The following PTPRN2 variants were observed in gnomAD, a reference collection of about 807,000 sequenced individuals.
The protein encoded by PTPRN2 is receptor-type tyrosine-protein phosphatase N2.
PTPRN2 carries 74 observed loss-of-function variants against 118.8 expected under a neutral mutation model. The ratio of observed to expected loss-of-function variants is 0.62; its 90% CI spans 0.52 to 0.76. The LOEUF (loss-of-function observed/expected upper bound fraction) is 0.76, where lower values mean the gene tolerates loss of function less well. Among genes scored for constraint, PTPRN2 ranks in the 30% least tolerant of loss-of-function variants. The pLI is 0.00. For missense variants in PTPRN2, 1,481 were observed against 1,394.4 expected (o/e 1.06, Z -0.99); for synonymous variants, 641 against 608.0 (o/e 1.05, Z -0.80).
In PTPRN2 at chr7:157,630,164, G is replaced by A. The variant is rs571070814; in HGVS notation, c.2197-8655C>T. On this transcript the variant is annotated intron_variant, in intron 14 of 22. Transcript: ENST00000389418. ...CAGCACACACAGCTATGGGGGCTTCGGGAGCAGCAAACCCTTGATGAGAAG... is the reference window on the plus strand; with the variant it reads ...CAGCACACACAGCTATGGGGGCTTCAGGAGCAGCAAACCCTTGATGAGAAG... 3.3e-5 allele frequency among the ~76,000 whole-genome samples: 5 copies of A among 152,262 alleles called. No homozygotes were observed. In the South Asian group the frequency reaches 1.0e-3, roughly 32 times the overall value.
At chr7:157,563,279 C>T (rs56842035) in intron 21 of PTPRN2, among the ~76,000 whole-genome samples, 62 of 132,958 alleles carry the variant, frequency 4.7e-4, no homozygotes, top group African/African-American at 1.6e-3. Flanking sequence ...CGTGCTCCCA[C>T]GTCACCACAC....
intron 1 of PTPRN2, among the ~76,000 whole-genome samples, chr7:158,504,990 G>A (rs1181825997): frequency 6.6e-6 from 1 of 152,200 alleles, no homozygotes; most frequent in Non-Finnish European, 1.5e-5. Context: ...CAGAATATGA[G>A]TGAACCTTGA....
intron 12 of PTPRN2, among the ~76,000 whole-genome samples, chr7:157,782,425 G>T (rs957475408): frequency 3.3e-5 from 5 of 152,332 alleles, no homozygotes; most frequent in Non-Finnish European, 7.3e-5. Flanking sequence ...CGGTGAATCA[G>T]CTCTAAGGGT....
intron 1 of PTPRN2, among the ~76,000 whole-genome samples, chr7:158,553,930 G>A (rs951137787): frequency 3.3e-5 from 5 of 150,508 alleles, no homozygotes; most frequent in Non-Finnish European, 7.4e-5. Context: ...CACCCTCCCT[G>A]TCTAAACACA....
At chr7:157,602,996 G>A (rs949700320) in intron 16 of PTPRN2, among the ~76,000 whole-genome samples, 8 of 152,224 alleles carry the variant, frequency 5.3e-5, no homozygotes, top group Non-Finnish European at 1.0e-4. Flanking sequence ...CTTCCCTGAA[G>A]ACCAGAATTG....
intron 6 of PTPRN2, among the ~76,000 whole-genome samples, chr7:158,160,034 G>A (rs1190760551): frequency 6.6e-6 from 1 of 152,164 alleles, no homozygotes; most frequent in Non-Finnish European, 1.5e-5. Context: ...ATAACCACAG[G>A]AGAGTTGCAT....
In PTPRN2 at chr7:158,192,317, G is replaced by A. The variant is rs376421667; in HGVS notation, c.549+10C>T. The stretch of plus-strand genomic sequence containing the variant: ...CCAACCCCGGCCCGGGGAGGAAGTG[G>A]AAGGGTCACCTCAGCGGGGGGTCTG... On this transcript the variant is annotated intron_variant, in intron 5 of 22. Transcript: ENST00000389418. 3 of 1,458,706 alleles carry A rather than the reference G, an allele frequency of 2.1e-6. No individual in the cohort carries two copies. Among genetic ancestry groups the A allele is most frequent in the Non-Finnish European group, 2.7e-6 (3 of 1,111,116 alleles). 90.4% of individuals were successfully genotyped at this position (1,458,706 alleles called of 1,614,324 possible). A position where few individuals can be genotyped will look rare whatever the true frequency, so the allele number is the denominator to read the frequency against.
chr7:157,788,481 A>T (rs1297125766), intron 12 of PTPRN2, among the ~76,000 whole-genome samples: 1 of 152,108 alleles, frequency 6.6e-6, no homozygotes, highest in Non-Finnish European at 1.5e-5. Context: ...CGTGACCAGA[A>T]CCCATCCTGG....
intron 2 of PTPRN2, among the ~76,000 whole-genome samples, chr7:158,441,916 G>A (rs868836075): frequency 7.5e-5 from 8 of 106,328 alleles, no homozygotes; most frequent in African/African-American, 3.2e-4. Context: ...TGGTGGTGAT[G>A]GTGATAGTGA....
intron 2 of PTPRN2, among the ~76,000 whole-genome samples, chr7:158,322,037 G>A (rs1030571353): frequency 3.3e-5 from 5 of 152,168 alleles, no homozygotes; most frequent in South Asian, 2.1e-4. Flanking sequence ...TCCCTGCAGC[G>A]TTGGGTGCTC....
At chr7:157,580,573 C>G (rs115929709) in intron 17 of PTPRN2, among the ~76,000 whole-genome samples, 1 of 142,266 alleles carries the variant, frequency 7.0e-6, no homozygotes, top group African/African-American at 2.7e-5. Context: ...CCTGCACATC[C>G]GAGCCCCTGC....
intron 2 of PTPRN2, among the ~76,000 whole-genome samples, chr7:158,454,479 C>T (rs898440751): frequency 2.0e-5 from 3 of 147,788 alleles, no homozygotes; most frequent in Non-Finnish European, 4.4e-5. Context: ...AGAGGACAGA[C>T]AAGATACAAC....
chr7:157,855,899 G>A (rs1431251317), intron 12 of PTPRN2: 1 of 152,240 alleles, frequency 6.6e-6, no homozygotes, highest in Non-Finnish European at 1.5e-5. Context: ...CATTTTTTCT[G>A]ATACTGAGTT....
Position 157,872,432 on chromosome 7 carries a change from C to CATACCCAGTGTCCTCCCTACACACAA in PTPRN2, c.1788+26240_1788+26241insTTGTGTGTAGGGAGGACACTGGGTAT, listed in dbSNP as rs1563193813. 2.0e-3 allele frequency among the ~76,000 whole-genome samples: 290 copies of CATACCCAGTGTCCTCCCTACACACAA among 147,910 alleles called. 5 individuals carry two copies. The highest frequency in any genetic ancestry group is 6.8e-3 in the African/African-American group (265 of 38,716). On this transcript the variant is annotated intron_variant, in intron 12 of 22. Coordinates refer to ENST00000389418, the MANE Select transcript of PTPRN2 (RefSeq NM_002847.5). ...ATACCCAGTGTCTTTCCCACACACA[C>CATACCCAGTGTCCTCCCTACACACAA]ATACCCAGTGTCCTCCCCACACACG...
At chr7:157,659,890 G>A (rs957900079) in intron 13 of PTPRN2, among the ~76,000 whole-genome samples, 6 of 151,960 alleles carry the variant, frequency 3.9e-5, no homozygotes, top group South Asian at 2.1e-4. Flanking sequence ...GATTACAGGC[G>A]CCTGCCACCA....
intron 1 of PTPRN2, among the ~76,000 whole-genome samples, chr7:158,538,364 C>T (rs1825775448): frequency 6.6e-6 from 1 of 152,386 alleles, no homozygotes; most frequent in East Asian, 1.9e-4. Flanking sequence ...CACTGCCCCT[C>T]ACCCCTGCGC....
At chr7:158,573,889 T>C (rs1409537302) in intron 1 of PTPRN2, among the ~76,000 whole-genome samples, 2 of 152,192 alleles carry the variant, frequency 1.3e-5, no homozygotes, top group African/African-American at 4.8e-5. Flanking sequence ...TATGCTGCAA[T>C]TTCCATGGGC....
chr7:157,966,302 A>AC (rs1169277211), intron 11 of PTPRN2, among the ~76,000 whole-genome samples: 2 of 151,964 alleles, frequency 1.3e-5, no homozygotes, highest in African/African-American at 4.8e-5. Context: ...CATCACCATC[A>AC]CCACCATCAT....
chr7:157,902,584 C>A (rs1205179669), intron 11 of PTPRN2, among the ~76,000 whole-genome samples: 1 of 151,726 alleles, frequency 6.6e-6, no homozygotes, highest in Non-Finnish European at 1.5e-5. Context: ...TGGAAATCAA[C>A]CTCACCGTGG....
Sources: gnomAD v4.1 joint callset for allele counts (sites outside exome capture counted in the v4.1 genomes callset) on GRCh38, gnomAD v4.1.1 for gene constraint, MANE v1.5 for transcripts, NCBI Gene and HGNC (gene_info 2026-07-23, HGNC 2026-07-21) for gene names.